Variants in BCKDHB observed in about 807,000 individuals in gnomAD.
BCKDHB encodes branched chain keto acid dehydrogenase E1 subunit beta.
A neutral mutation model predicts 48.5 loss-of-function variants in BCKDHB; 41 were observed. That is an observed-to-expected ratio of 0.85 (90% confidence interval 0.66 to 1.10). The LOEUF (loss-of-function observed/expected upper bound fraction) is 1.10, where lower values mean the gene tolerates loss of function less well. Ranked by LOEUF, BCKDHB falls within the 50% of genes least tolerant of loss-of-function variation. The probability of loss-of-function intolerance (pLI) is 0.00; values close to 1 mark genes in which losing one functional copy is unlikely to be tolerated. For synonymous variants in BCKDHB, 201 were observed against 174.8 expected (o/e 1.15, Z -1.18); for missense variants, 496 against 494.2 (o/e 1.00, Z -0.03).
chr6:80,239,231 T>C (rs1776276472), intron 8 of BCKDHB, among the ~76,000 whole-genome samples: 3 of 152,182 alleles, frequency 2.0e-5, no homozygotes, highest in Admixed American at 2.0e-4. Context: ...TGTAAAAGTG[T>C]TCCTATTTCT....
At chr6:80,288,351 T>C (rs1433296211) in intron 9 of BCKDHB, among the ~76,000 whole-genome samples, 1 of 152,000 alleles carries the variant, frequency 6.6e-6, no homozygotes, top group Non-Finnish European at 1.5e-5. Context: ...TTCAGTAAAC[T>C]TCACTTTCAT....
intron 9 of BCKDHB, among the ~76,000 whole-genome samples, chr6:80,302,213 T>C (rs1439334859): frequency 2.0e-5 from 3 of 152,040 alleles, no homozygotes; most frequent in African/African-American, 4.8e-5. Context: ...TCAAACTGGC[T>C]CTCTTCATTA....
chr6:80,438,521 CTAAA>C, the BCKDHB span, among the ~76,000 whole-genome samples: 2 of 152,110 alleles, frequency 1.3e-5, no homozygotes, highest in Non-Finnish European at 2.9e-5. Context: ...AAAGATACCA[CTAAA>C]TAACTCCAAA....
intron 9 of BCKDHB, among the ~76,000 whole-genome samples, chr6:80,334,158 C>G (rs900783933): frequency 6.6e-6 from 1 of 151,946 alleles, no homozygotes; most frequent in Non-Finnish European, 1.5e-5. Flanking sequence ...AAATACTAAC[C>G]AAATTTAAAG....
intron 9 of BCKDHB, among the ~76,000 whole-genome samples, chr6:80,294,477 AAAAG>A (rs1767117105): frequency 6.6e-6 from 1 of 152,232 alleles, no homozygotes; most frequent in South Asian, 2.1e-4. Context: ...GGGTTGGACA[AAAAG>A]AGCCATATTT....
At chr6:80,357,502 G>C in the BCKDHB span, among the ~76,000 whole-genome samples, 1 of 152,154 alleles carries the variant, frequency 6.6e-6, no homozygotes, top group African/African-American at 2.4e-5. Context: ...TTGACATAGA[G>C]AAGGCAAAGA....
the BCKDHB span, among the ~76,000 whole-genome samples, chr6:80,403,419 G>A: frequency 4.0e-4 from 60 of 151,752 alleles, no homozygotes; most frequent in African/African-American, 1.4e-3. Context: ...ACTGATTTTT[G>A]TATGTTGATT....
intron 8 of BCKDHB, among the ~76,000 whole-genome samples, chr6:80,255,736 T>G (rs1027525240): frequency 3.3e-5 from 5 of 152,174 alleles, no homozygotes; most frequent in African/African-American, 1.2e-4. Context: ...TTTCCCAAAT[T>G]GGAATTTCCT....
At chr6:80,365,339 C>G in the BCKDHB span, among the ~76,000 whole-genome samples, 1 of 152,110 alleles carries the variant, frequency 6.6e-6, no homozygotes, top group African/African-American at 2.4e-5. Context: ...CCTAGTAAGC[C>G]TGAGGGTACT....
intron 8 of BCKDHB, among the ~76,000 whole-genome samples, chr6:80,206,541 TTGTGTGTGTG>T (rs35972426): frequency 3.4e-5 from 5 of 145,828 alleles, no homozygotes; most frequent in African/African-American, 7.5e-5. Context: ...CCTAGAAAGT[TTGTGTGTGTG>T]TGTGTGTGTG....
At chr6:80,215,473 G>A (rs1297047169) in intron 8 of BCKDHB, among the ~76,000 whole-genome samples, 2 of 152,182 alleles carry the variant, frequency 1.3e-5, no homozygotes, top group Non-Finnish European at 2.9e-5. Context: ...AGGGAATTTT[G>A]TGTATTATGT....
intron 8 of BCKDHB, among the ~76,000 whole-genome samples, chr6:80,257,415 A>C (rs1422988122): frequency 1.6e-5 from 2 of 124,080 alleles, no homozygotes; most frequent in Non-Finnish European, 3.3e-5. Flanking sequence ...TATAATTCAT[A>C]TATATTCCTT....
chr6:80,162,552 A>G (rs1386783054), intron 3 of BCKDHB, among the ~76,000 whole-genome samples: 3 of 152,032 alleles, frequency 2.0e-5, no homozygotes, highest in Non-Finnish European at 4.4e-5. Flanking sequence ...TATTTTTTCC[A>G]TCTTAAAAAC....
the BCKDHB span, among the ~76,000 whole-genome samples, chr6:80,397,096 T>C: frequency 3.9e-5 from 6 of 152,198 alleles, no homozygotes; most frequent in African/African-American, 1.4e-4. Context: ...TTGATTTAGC[T>C]AATTTAAATA....
the BCKDHB span, among the ~76,000 whole-genome samples, chr6:80,421,304 G>A: frequency 5.3e-4 from 81 of 152,192 alleles, no homozygotes; most frequent in South Asian, 5.4e-3. Flanking sequence ...CTCCCCAGCC[G>A]TGCAGAACTG....
chr6:80,222,919 T>G (rs1016662506), intron 8 of BCKDHB, among the ~76,000 whole-genome samples: 1 of 152,150 alleles, frequency 6.6e-6, no homozygotes, highest in African/African-American at 2.4e-5. Context: ...CTAACAAACT[T>G]TTTACTTAGT....
chr6:80,419,315 T>C, the BCKDHB span, among the ~76,000 whole-genome samples: 636 of 152,242 alleles, frequency 4.2e-3, 14 homozygotes, highest in Admixed American at 0.036. Context: ...TCAAGCATAA[T>C]TCACCAGCAC....
At chr6:80,416,511 G>C in the BCKDHB span, among the ~76,000 whole-genome samples, 1 of 151,786 alleles carries the variant, frequency 6.6e-6, no homozygotes. Context: ...AGAGCTTCTT[G>C]ATTTCTGCTT....
intron 1 of BCKDHB, among the ~76,000 whole-genome samples, chr6:80,117,395 C>A (rs965110446): frequency 6.6e-6 from 1 of 152,208 alleles, no homozygotes; most frequent in African/African-American, 2.4e-5. Flanking sequence ...AATAAGATAT[C>A]ATGTCATTCA....
Sources: allele counts gnomAD v4.1 joint callset (sites outside exome capture counted in the v4.1 genomes callset), GRCh38; gene constraint gnomAD v4.1.1; transcripts MANE v1.5; gene names NCBI Gene and HGNC (gene_info 2026-07-23, HGNC 2026-07-21).